The following AHI1 variants were observed in gnomAD, a reference collection of about 807,000 sequenced individuals.
AHI1 encodes Abelson helper integration site 1, also known as jouberin.
A neutral mutation model predicts 149.3 loss-of-function variants in AHI1; 123 were observed. The ratio of observed to expected loss-of-function variants is 0.82; its 90% confidence interval spans 0.71 to 0.96. The LOEUF (loss-of-function observed/expected upper bound fraction) is 0.96, where lower values mean the gene tolerates loss of function less well. Ranked by LOEUF, AHI1 falls within the 40% of genes least tolerant of loss-of-function variation. AHI1 has a pLI of 0.00. For missense variants in AHI1, 1,439 were observed against 1,422.7 expected, an observed-to-expected ratio of 1.01 and a Z score of -0.18; for synonymous variants, 475 against 459.8, an observed-to-expected ratio of 1.03 and a Z score of -0.42.
intron 11 of AHI1, among the ~76,000 whole-genome samples, chr6:135,448,731 G>A (rs912666358): frequency 2.0e-5 from 3 of 152,052 alleles, no homozygotes; most frequent in South Asian, 2.1e-4. Context: ...TCAGACTGTC[G>A]GTACAGCATT....
chr6:135,316,774 T>C (rs1786020283), intron 26 of AHI1, among the ~76,000 whole-genome samples: 1 of 152,140 alleles, frequency 6.6e-6, no homozygotes, highest in Non-Finnish European at 1.5e-5. Flanking sequence ...TAATTCTCAT[T>C]TGATTTTGAA....
chr6:135,331,481 G>T (rs1035864702), intron 24 of AHI1, among the ~76,000 whole-genome samples: 1 of 152,086 alleles, frequency 6.6e-6, no homozygotes, highest in African/African-American at 2.4e-5. Context: ...AGTCTGCCAG[G>T]CTGTTGTAAG....
chr6:135,339,464 C>A (rs1166900640), intron 24 of AHI1, among the ~76,000 whole-genome samples: 1 of 151,974 alleles, frequency 6.6e-6, no homozygotes, highest in East Asian at 1.9e-4. Context: ...TATACATGTA[C>A]CTCACCAAAC....
intron 5 of AHI1, among the ~76,000 whole-genome samples, chr6:135,471,864 T>C (rs1791757025): frequency 6.7e-6 from 1 of 150,080 alleles, no homozygotes; most frequent in Non-Finnish European, 1.5e-5. Context: ...TACAAAAAAT[T>C]AGCCGGGCGC....
intron 20 of AHI1, among the ~76,000 whole-genome samples, chr6:135,417,675 A>C (rs575993473): frequency 4.2e-4 from 64 of 152,140 alleles, no homozygotes; most frequent in African/African-American, 1.5e-3. Context: ...TCTATACAGA[A>C]GCCAACTGAT....
chr6:135,353,159 AC>A (rs1438369164), intron 24 of AHI1, among the ~76,000 whole-genome samples: 2 of 152,190 alleles, frequency 1.3e-5, no homozygotes, highest in Admixed American at 1.3e-4. Flanking sequence ...ATGTTATATT[AC>A]GGAAGACTAC....
chr6:135,343,284 T>A (rs1052988615), intron 24 of AHI1, among the ~76,000 whole-genome samples: 1 of 151,678 alleles, frequency 6.6e-6, no homozygotes, highest in Non-Finnish European at 1.5e-5. Context: ...TAAACAGACC[T>A]AAATAAATGG....
At chr6:135,448,265 C>T (rs1176140421) in intron 12 of AHI1, 25 bp downstream of exon 12, 3 of 1,473,334 alleles carry the variant, frequency 2.0e-6, no homozygotes, top group Non-Finnish European at 2.8e-6. Context: ...AGATGATATA[C>T]ACTTAATATG....
chr6:135,447,115 CT>C lies in AHI1; in HGVS notation c.1671del (p.Gly558ValfsTer15), dbSNP rs2128056526. On this transcript the variant is annotated frameshift_variant, in exon 13 of 29. Coordinates refer to ENST00000265602, the MANE Select transcript of AHI1 (RefSeq NM_001134831.2). LOFTEE classifies it high-confidence loss of function. ...YRSMMALQEE[K>X]GKPVHCERHH... ...TGACGTTCACAATGCACTGGTTTACCTTTTTCCTCCTGAAGAGCCATCATAG... is the reference window on the plus strand; with the variant it reads ...TGACGTTCACAATGCACTGGTTTACCTTTTCCTCCTGAAGAGCCATCATAG... 6.2e-7 allele frequency: 1 copy of C among 1,608,574 alleles called. No homozygotes were observed. Among genetic ancestry groups the C allele is most frequent in the South Asian group, 1.1e-5 (1 of 89,670 alleles).
At chr6:135,290,258 A>C (rs562263909) in intron 28 of AHI1, among the ~76,000 whole-genome samples, 165 bp downstream of exon 28, 1 of 152,266 alleles carries the variant, frequency 6.6e-6, no homozygotes, top group Non-Finnish European at 1.5e-5. Flanking sequence ...CATCAAAACT[A>C]TCTTCTCCAA....
chr6:135,372,226 C>T (rs1775167479), intron 23 of AHI1, among the ~76,000 whole-genome samples: 3 of 152,124 alleles, frequency 2.0e-5, no homozygotes, highest in South Asian at 4.2e-4. Context: ...ATAGCTGGGG[C>T]AATAGACCAT....
At chr6:135,461,243 T>C (rs896243518) in intron 8 of AHI1, among the ~76,000 whole-genome samples, 1 of 152,010 alleles carries the variant, frequency 6.6e-6, no homozygotes, top group Non-Finnish European at 1.5e-5. Context: ...ATTCTGTGTT[T>C]TAAAAAATGC....
intron 20 of AHI1, among the ~76,000 whole-genome samples, chr6:135,421,482 T>A (rs1469521248): frequency 2.6e-5 from 4 of 152,180 alleles, no homozygotes; most frequent in East Asian, 3.8e-4. Flanking sequence ...GAATATATGC[T>A]ATTCTAATTT....
chr6:135,464,584 A>G (rs987784650), intron 7 of AHI1, among the ~76,000 whole-genome samples: 3 of 152,198 alleles, frequency 2.0e-5, no homozygotes, highest in Non-Finnish European at 2.9e-5. Flanking sequence ...ATTAGGTTCC[A>G]AAAAGACTGT....
intron 26 of AHI1, among the ~76,000 whole-genome samples, chr6:135,309,152 C>T (rs1784856076): frequency 6.6e-6 from 1 of 152,092 alleles, no homozygotes; most frequent in South Asian, 2.1e-4. Context: ...GGAGAGAGTC[C>T]CTATTAATTT....
At chr6:135,340,974 G>T (rs1790283198) in intron 24 of AHI1, among the ~76,000 whole-genome samples, 1 of 151,154 alleles carries the variant, frequency 6.6e-6, no homozygotes, top group African/African-American at 2.4e-5. Flanking sequence ...AAAGGGAAAA[G>T]AAAATTAAAA....
intron 22 of AHI1, among the ~76,000 whole-genome samples, chr6:135,399,804 C>T (rs1404780397): frequency 6.6e-6 from 1 of 151,394 alleles, no homozygotes; most frequent in Non-Finnish European, 1.5e-5. Context: ...GGGACTCATA[C>T]TAGATTGCTC....
chr6:135,293,422 A>G (rs1782643802), intron 27 of AHI1, among the ~76,000 whole-genome samples: 1 of 136,964 alleles, frequency 7.3e-6, no homozygotes. Flanking sequence ...AAAAAAAAAA[A>G]AAGAAAAAAA....
intron 23 of AHI1, among the ~76,000 whole-genome samples, chr6:135,359,576 G>C (rs1409035383): frequency 6.6e-6 from 1 of 152,118 alleles, no homozygotes; most frequent in African/African-American, 2.4e-5. Flanking sequence ...GAAATATAGA[G>C]AGAATAAATT....
Sources: gnomAD v4.1 joint callset for allele counts (sites outside exome capture counted in the v4.1 genomes callset) on GRCh38, gnomAD v4.1.1 for gene constraint, MANE v1.5 for transcripts, NCBI Gene and HGNC (gene_info 2026-07-23, HGNC 2026-07-21) for gene names.